The following PEPD variants were observed in gnomAD, a reference collection of about 807,000 sequenced individuals.
The protein encoded by PEPD is peptidase D.
A neutral mutation model predicts 60.7 loss-of-function variants in PEPD; 53 were observed. The ratio of observed to expected loss-of-function variants is 0.87; its 90% CI spans 0.70 to 1.10. The LOEUF is 1.10. PEPD is among the 50% of genes least tolerant of loss of function. PEPD has a pLI of 0.00. For missense variants in PEPD, 711 were observed against 711.9 expected, an observed-to-expected ratio of 1.00 and a Z score of 0.01; for synonymous variants, 267 against 284.1, an observed-to-expected ratio of 0.94 and a Z score of 0.60.
At chr19:33,423,299 C>T (rs1035845461) in intron 9 of PEPD, among the ~76,000 whole-genome samples, 10 of 152,276 alleles carry the variant, frequency 6.6e-5, no homozygotes, top group African/African-American at 2.4e-4. Context: ...CTCTAATTTA[C>T]TTAACCAACT....
chr19:33,432,956 G>A (rs1969304493), intron 9 of PEPD, among the ~76,000 whole-genome samples: 1 of 152,242 alleles, frequency 6.6e-6, no homozygotes, highest in Non-Finnish European at 1.5e-5. Flanking sequence ...GCTAGCGGGT[G>A]TGGCTGGCCT....
At chr19:33,501,152 C>T (rs1970705030) in intron 3 of PEPD, 151 bp from the exon 4 acceptor site, 5 of 707,850 alleles carry the variant, frequency 7.1e-6, no homozygotes, top group Admixed American at 2.0e-5. Flanking sequence ...CCGAACAGGT[C>T]GGCCCAACAC....
At chr19:33,417,602 T>C (rs2145373461) in intron 9 of PEPD, among the ~76,000 whole-genome samples, 1 of 152,284 alleles carries the variant, frequency 6.6e-6, no homozygotes, top group South Asian at 2.1e-4. Flanking sequence ...AGGGCTGCTA[T>C]GCCAGTCGAA....
intron 3 of PEPD, among the ~76,000 whole-genome samples, chr19:33,505,595 G>C (rs1451922863): frequency 6.6e-6 from 1 of 151,898 alleles, no homozygotes; most frequent in East Asian, 1.9e-4. Context: ...AGGCACCAGA[G>C]AGGCTGGGGA....
intron 9 of PEPD, among the ~76,000 whole-genome samples, chr19:33,461,878 G>T (rs536621840): frequency 2.0e-5 from 3 of 152,202 alleles, no homozygotes; most frequent in Non-Finnish European, 4.4e-5. Context: ...TGTGTTACAC[G>T]GCCCCTCCCA....
chr19:33,454,417 C>T (rs1410575075), intron 9 of PEPD, among the ~76,000 whole-genome samples: 2 of 152,094 alleles, frequency 1.3e-5, no homozygotes, highest in African/African-American at 4.8e-5. Context: ...GCCTGGCCAA[C>T]ATGGCAAAAC....
rs1467459798 is a variant in PEPD at position 33,493,311 on chromosome 19, CT to C, written c.419del (p.Lys140SerfsTer70). On this transcript the variant is annotated frameshift_variant, in exon 5 of 15. Transcript: ENST00000244137. LOFTEE classifies it high-confidence loss of function. ...TTACCAAAGTGAGGAGGACAGAGGG[CT>C]TCTGTGACGTCAGGACGCTGGCAAT... ...DEIASVLTSQ[K>X]PSVLLTLRGV... is the part of the protein sequence containing the mutation. The C allele has an allele frequency of 6.2e-7, 1 of 1,613,546 alleles. No homozygotes were observed. Among genetic ancestry groups the C allele is most frequent in the South Asian group, 1.1e-5 (1 of 91,052 alleles).
rs151181225 is a variant in PEPD at position 33,480,840 on chromosome 19, G to GTGTGTGTGTA, written c.504-2751_504-2750insTACACACACA. ...TGTGTGTGTGTGTGTGTGTGTGTGT[G>GTGTGTGTGTA]TATATCAAAAACCTAACACGTAGCT... is the stretch of plus-strand genomic sequence containing the variant. On this transcript the variant is annotated intron_variant, in intron 6 of 14. Transcript: ENST00000244137. 5.3e-5 allele frequency among the ~76,000 whole-genome samples: 8 copies of GTGTGTGTGTA among 150,856 alleles called. No homozygotes were observed. In the South Asian group the frequency reaches 8.4e-4, roughly 16 times the overall value.
intron 9 of PEPD, among the ~76,000 whole-genome samples, chr19:33,454,841 G>A (rs968293353): frequency 6.6e-6 from 1 of 152,112 alleles, no homozygotes; most frequent in Non-Finnish European, 1.5e-5. Flanking sequence ...AGGTGATCAA[G>A]GTCAACATCA....
intron 10 of PEPD, 120 bp downstream of exon 10, chr19:33,413,455 G>T: frequency 1.5e-6 from 1 of 684,926 alleles, no homozygotes; most frequent in Non-Finnish European, 2.7e-6. Context: ...GCCGGGCGCT[G>T]GTGTGGGCGT....
chr19:33,413,649 G>T lies in PEPD; in HGVS notation c.672-6C>A. On this transcript the variant is annotated splice_polypyrimidine_tract_variant and splice_region_variant and intron_variant, in intron 9 of 14. Coordinates refer to ENST00000244137, the MANE Select transcript of PEPD (RefSeq NM_000285.4). ...AGCAGTAGTGCTCGAAGAGGCTGCA[G>T]GGGGAGAGACGCGTCAGGGTTGGGG... The T allele has an allele frequency of 6.4e-7, 1 of 1,570,614 alleles. No individual in the cohort carries two copies. The highest frequency in any genetic ancestry group is 2.3e-5 in the East Asian group (1 of 43,190).
chr19:33,440,716 G>A (rs752027417), intron 9 of PEPD, among the ~76,000 whole-genome samples: 23 of 152,130 alleles, frequency 1.5e-4, no homozygotes, highest in Non-Finnish European at 3.2e-4. Context: ...TTTTTCCACA[G>A]TCCTGGTCAC....
At chr19:33,505,217 A>T (rs1970776898) in intron 3 of PEPD, among the ~76,000 whole-genome samples, 1 of 152,134 alleles carries the variant, frequency 6.6e-6, no homozygotes, top group Non-Finnish European at 1.5e-5. Flanking sequence ...GCCTGCCTTC[A>T]GCTACAAACA....
chr19:33,420,116 TC>T (rs1194572978), intron 9 of PEPD, among the ~76,000 whole-genome samples: 1 of 152,318 alleles, frequency 6.6e-6, no homozygotes, highest in African/African-American at 2.4e-5. Context: ...TAACAAATCT[TC>T]CCCTTTATTT....
Position 33,468,627 on chromosome 19 carries a change from G to A in PEPD, c.549-4565C>T, listed in dbSNP as rs17761030. ...ATGCCAGCCAGCCGCTGACTCACACGGTCTCCGTGACGCTGCACAGCTGGG... is the reference window on the plus strand; with the variant it reads ...ATGCCAGCCAGCCGCTGACTCACACAGTCTCCGTGACGCTGCACAGCTGGG... On this transcript the variant is annotated intron_variant, in intron 7 of 14. Coordinates refer to ENST00000244137, the MANE Select transcript of PEPD (RefSeq NM_000285.4). Among the ~76,000 whole-genome samples, 1,023 of 152,314 alleles carry A rather than the reference G, an allele frequency of 6.7e-3. 62 individuals are homozygous for A. In the East Asian group the frequency reaches 0.16, roughly 23 times the overall value.
intron 13 of PEPD, chr19:33,388,512 C>T: frequency 3.3e-6 from 1 of 301,914 alleles, no homozygotes; most frequent in South Asian, 3.5e-5. Context: ...GCTTTCCTTC[C>T]AGGCAGCCCA....
intron 12 of PEPD, among the ~76,000 whole-genome samples, chr19:33,393,265 G>GCC (rs1968273503): frequency 2.1e-5 from 3 of 144,558 alleles, no homozygotes; most frequent in Non-Finnish European, 3.0e-5. Flanking sequence ...CGTGGGGGAG[G>GCC]GCCCGGGGTC....
intron 3 of PEPD, among the ~76,000 whole-genome samples, chr19:33,503,432 G>A (rs982470927): frequency 2.6e-5 from 4 of 152,160 alleles, no homozygotes; most frequent in African/African-American, 9.7e-5. Flanking sequence ...AAGTTAAATG[G>A]CCAAGGTCTG....
At chr19:33,511,394 A>C (rs183270825) in intron 2 of PEPD, 1 of 507,556 alleles carries the variant, frequency 2.0e-6, no homozygotes, top group Non-Finnish European at 3.7e-6. Flanking sequence ...ATGCTGTGTC[A>C]GGCATGTGCC....
Sources: allele counts gnomAD v4.1 joint callset (sites outside exome capture counted in the v4.1 genomes callset), GRCh38; gene constraint gnomAD v4.1.1; transcripts MANE v1.5; gene names NCBI Gene and HGNC (gene_info 2026-07-23, HGNC 2026-07-21).